GALNT13: variants seen among roughly 807,000 people sequenced by gnomAD.
GALNT13 encodes the protein UDP-GalNAc:polypeptide N-acetylgalactosaminyltransferase 13.
A neutral mutation model predicts 64.2 loss-of-function variants in GALNT13; 28 were observed. The ratio of observed to expected loss-of-function variants is 0.44; its 90% confidence interval spans 0.32 to 0.60. The LOEUF (loss-of-function observed/expected upper bound fraction) is 0.60. Among genes scored for constraint, GALNT13 ranks in the 20% least tolerant of loss-of-function variants. GALNT13 has a pLI of 0.05. For missense variants in GALNT13, 577 were observed against 669.8 expected (o/e 0.86, Z 1.53); for synonymous variants, 214 against 224.6 (o/e 0.95, Z 0.42).
At chr2:153,381,090 G>A in the GALNT13 span, among the ~76,000 whole-genome samples, 1 of 151,908 alleles carries the variant, frequency 6.6e-6, no homozygotes, top group African/African-American at 2.4e-5. Context: ...TGAGACTTCA[G>A]GTGCACCACC....
chr2:153,257,342 G>A, the GALNT13 span, among the ~76,000 whole-genome samples: 475 of 152,040 alleles, frequency 3.1e-3, 1 homozygote, highest in African/African-American at 0.011. Flanking sequence ...ACTGACCTGC[G>A]CCCACTGTCT....
chr2:153,111,039 T>C, the GALNT13 span, among the ~76,000 whole-genome samples: 3 of 152,104 alleles, frequency 2.0e-5, no homozygotes, highest in Admixed American at 1.3e-4. Flanking sequence ...TAATTAGTCA[T>C]TGATAGCAGA....
intron 8 of GALNT13, among the ~76,000 whole-genome samples, chr2:154,290,922 G>C (rs1156899722): frequency 1.3e-5 from 2 of 151,762 alleles, no homozygotes; most frequent in Admixed American, 1.3e-4. Flanking sequence ...TTTCCGTCCA[G>C]AGCTGTTCGT....
the GALNT13 span, among the ~76,000 whole-genome samples, chr2:153,745,317 G>A: frequency 6.6e-6 from 1 of 152,144 alleles, no homozygotes; most frequent in African/African-American, 2.4e-5. Context: ...TATAGAAATC[G>A]AGTCCTACAG....
intron 3 of GALNT13, among the ~76,000 whole-genome samples, chr2:154,131,457 A>G (rs1682611781): frequency 1.3e-5 from 2 of 152,176 alleles, no homozygotes; most frequent in South Asian, 4.1e-4. Context: ...ATATCCTAGA[A>G]CAAATCGTAT....
At chr2:153,232,538 C>T in the GALNT13 span, among the ~76,000 whole-genome samples, 2 of 152,188 alleles carry the variant, frequency 1.3e-5, no homozygotes, top group African/African-American at 4.8e-5. Context: ...GAATCTTAAT[C>T]TATCTGCTCT....
chr2:153,247,019 T>C, the GALNT13 span, among the ~76,000 whole-genome samples: 1 of 152,022 alleles, frequency 6.6e-6, no homozygotes, highest in Admixed American at 6.6e-5. Flanking sequence ...TAAAACAGGC[T>C]TTAAACCAAC....
At chr2:153,360,238 T>C in the GALNT13 span, among the ~76,000 whole-genome samples, 3 of 152,250 alleles carry the variant, frequency 2.0e-5, no homozygotes, top group African/African-American at 7.2e-5. Context: ...GTGAGCGTGC[T>C]ACCCAGCCTG....
intron 11 of GALNT13, chr2:154,435,784 C>G (rs1450027729): frequency 6.6e-6 from 1 of 152,094 alleles, no homozygotes; most frequent in Non-Finnish European, 1.5e-5. Flanking sequence ...TGTCTGTGTG[C>G]TAGAATCTCT....
intron 3 of GALNT13, among the ~76,000 whole-genome samples, chr2:154,131,780 A>G (rs1260071521): frequency 2.0e-5 from 3 of 152,320 alleles, no homozygotes; most frequent in East Asian, 1.9e-4. Context: ...AAGTCCCACA[A>G]TAGGCTGTCT....
chr2:153,182,717 G>GT, the GALNT13 span, among the ~76,000 whole-genome samples: 2 of 152,132 alleles, frequency 1.3e-5, no homozygotes, highest in African/African-American at 4.8e-5. Context: ...GAGGTGTTTG[G>GT]TTTTTTGTTC....
intron 3 of GALNT13, among the ~76,000 whole-genome samples, chr2:154,115,365 C>T (rs554070036): frequency 6.6e-6 from 1 of 152,102 alleles, no homozygotes; most frequent in Non-Finnish European, 1.5e-5. Flanking sequence ...AGGTTTGTTA[C>T]ATATGTATAC....
chr2:153,090,082 T>C, the GALNT13 span, among the ~76,000 whole-genome samples: 4 of 152,140 alleles, frequency 2.6e-5, no homozygotes, highest in Admixed American at 6.6e-5. Context: ...GTTTCCAGTC[T>C]GGAAACACTT....
chr2:153,726,039 A>T, the GALNT13 span, among the ~76,000 whole-genome samples: 5 of 152,256 alleles, frequency 3.3e-5, no homozygotes, highest in African/African-American at 1.2e-4. Flanking sequence ...TCTGTTGATG[A>T]GTATTTTAAT....
rs7606367 is a variant in GALNT13 at position 154,360,511 on chromosome 2, G to C, written c.1157-35480G>C. ...ACAGACTGTGTTTTATCCCAGTATA[G>C]GGTGCTGCTTTCGCAGAAAAGCGAA... On this transcript the variant is annotated intron_variant, in intron 9 of 12. Transcript: ENST00000392825. 1.6e-3 allele frequency among the ~76,000 whole-genome samples: 251 copies of C among 152,260 alleles called. 1 individual carries two copies. The highest frequency in any genetic ancestry group is 5.9e-3 in the African/African-American group (246 of 41,562).
the GALNT13 span, among the ~76,000 whole-genome samples, chr2:153,219,241 T>TG: frequency 2.0e-5 from 3 of 152,212 alleles, no homozygotes; most frequent in African/African-American, 7.2e-5. Flanking sequence ...ATGGTAGAAT[T>TG]GTAAGCACAA....
chr2:153,562,060 CTGTGTGTG>C, the GALNT13 span, among the ~76,000 whole-genome samples: 178 of 118,948 alleles, frequency 1.5e-3, 1 homozygote, highest in African/African-American at 4.8e-3. Flanking sequence ...CTCTCTCTCT[CTGTGTGTG>C]TGTGTGTGTG....
intron 3 of GALNT13, among the ~76,000 whole-genome samples, chr2:154,082,824 T>A (rs1701338516): frequency 6.6e-6 from 1 of 152,026 alleles, no homozygotes; most frequent in Non-Finnish European, 1.5e-5. Flanking sequence ...CTTTGTTAGA[T>A]GGATAGATTG....
chr2:154,415,516 C>G (rs1163553413), intron 11 of GALNT13, among the ~76,000 whole-genome samples: 3 of 151,968 alleles, frequency 2.0e-5, no homozygotes, highest in African/African-American at 4.8e-5. Context: ...AGGTAGCAAG[C>G]CTTTAAGGAA....
Sources: gnomAD v4.1 joint callset for allele counts (sites outside exome capture counted in the v4.1 genomes callset) on GRCh38, gnomAD v4.1.1 for gene constraint, MANE v1.5 for transcripts, NCBI Gene and HGNC (gene_info 2026-07-23, HGNC 2026-07-21) for gene names.